VSIG4: variants seen among roughly 807,000 people sequenced by gnomAD.
VSIG4 encodes V-set and immunoglobulin domain containing 4.
In VSIG4, 34 loss-of-function variants were observed where a neutral mutation model predicts 23.4. That is an observed-to-expected ratio of 1.45 (90% CI 1.10 to 1.93). The LOEUF is 1.93. Among genes scored for constraint, VSIG4 ranks in the 30% most tolerant of loss-of-function variants. The pLI, the probability that VSIG4 is intolerant of heterozygous loss-of-function variation, is 0.00. For missense variants in VSIG4, 433 were observed against 310.8 expected (o/e 1.39, Z -2.96); for synonymous variants, 169 against 120.3 (o/e 1.41, Z -2.65).
At position 66,027,532 on chromosome X, in the gene VSIG4, A is replaced by G; in HGVS notation, c.758-6T>C. The G allele has an allele frequency of 8.6e-7, 1 of 1,163,739 alleles. No individual in the cohort carries two copies. Among genetic ancestry groups the G allele is most frequent in the South Asian group, 1.9e-5 (1 of 53,570 alleles). On this transcript the variant is annotated splice_polypyrimidine_tract_variant and splice_region_variant and intron_variant, in intron 4 of 7. Coordinates refer to ENST00000374737, the MANE Select transcript of VSIG4 (RefSeq NM_007268.3). ...CTGCTTCACTGTAGATGTTGCTATG[A>G]ATATAGAGAATAGGGTCAGAGATGT...
chrX:66,027,714 C>T (rs1401198604), intron 4 of VSIG4, among the ~76,000 whole-genome samples, 188 bp from the exon 5 acceptor site: 10 of 112,046 alleles, frequency 8.9e-5, no homozygotes, highest in African/African-American at 1.3e-4. Flanking sequence ...TAGGTGTGGG[C>T]AGTGAGAAGA....
intron 1 of VSIG4, among the ~76,000 whole-genome samples, chrX:66,039,098 C>G (rs1304878109): frequency 8.9e-6 from 1 of 111,864 alleles, no homozygotes; most frequent in Non-Finnish European, 1.9e-5. Flanking sequence ...GGATTTGTAT[C>G]CAGCCCATAA....
intron 7 of VSIG4, 136 bp downstream of exon 7, chrX:66,022,705 G>C: frequency 8.7e-7 from 1 of 1,155,995 alleles, no homozygotes; most frequent in South Asian, 2.1e-5. Context: ...AGGGAAGGCA[G>C]CTATGTCCTG....
intron 3 of VSIG4, among the ~76,000 whole-genome samples, chrX:66,029,656 G>A (rs1320870490): frequency 8.9e-6 from 1 of 111,738 alleles, no homozygotes; most frequent in Non-Finnish European, 1.9e-5. Context: ...GAAAGAAAGA[G>A]CCTAATAAGG....
At chrX:66,022,570 C>T (rs774017542) in intron 7 of VSIG4, 70 bp from the exon 8 acceptor site, 42 of 1,173,799 alleles carry the variant, frequency 3.6e-5, no homozygotes, top group Non-Finnish European at 4.8e-5. Flanking sequence ...CACCCTTCTG[C>T]CTCAATTCTT....
Position 66,022,494 on chromosome X carries a change from A to T in VSIG4, c.969T>A (p.His323Gln). 7.4e-6 allele frequency: 9 copies of T among 1,211,236 alleles called. No individual in the cohort carries two copies. The highest frequency in any genetic ancestry group is 1.7e-5 in the African/African-American group (1 of 57,999). The change falls in exon 8 of 8, where the codon CAT becomes CAA. Residue 323 changes from histidine to glutamine, a missense_variant. His to Gln is a conservative substitution (Grantham distance 24). Coordinates refer to ENST00000374737, the MANE Select transcript of VSIG4 (RefSeq NM_007268.3). ...CTCCAGAGTCGTTGGCCTCTCTGGCATGTGCCCTATGGCCCAAGAGCCCAC... is the reference window on the plus strand; with the variant it reads ...CTCCAGAGTCGTTGGCCTCTCTGGCTTGTGCCCTATGGCCCAAGAGCCCAC... ...QEHVYEAARA[H>Q]AREANDSGET...
intron 1 of VSIG4, 131 bp downstream of exon 1, chrX:66,039,813 G>A: frequency 1.4e-6 from 1 of 729,692 alleles, no homozygotes; most frequent in South Asian, 3.1e-5. Flanking sequence ...GGCTGAGAGA[G>A]CCTGCAGAGT....
chrX:66,026,000 A>G (rs773269564), intron 5 of VSIG4, among the ~76,000 whole-genome samples: 2 of 112,312 alleles, frequency 1.8e-5, no homozygotes, highest in South Asian at 7.3e-4. Context: ...TGCTGTTTTA[A>G]GATACTAGGT....
At chrX:66,028,430 G>C (rs776329353) in intron 3 of VSIG4, among the ~76,000 whole-genome samples, 12 of 110,732 alleles carry the variant, frequency 1.1e-4, no homozygotes, top group East Asian at 2.8e-4. Context: ...ATTCTCTTGA[G>C]AGAAACTTGG....
chrX:66,027,570 A>C (rs900984333), intron 4 of VSIG4, 44 bp from the exon 5 acceptor site: 3 of 1,060,245 alleles, frequency 2.8e-6, no homozygotes, highest in Admixed American at 2.5e-5. Flanking sequence ...CTCTTCTTTC[A>C]AAAAGTTGAG....
chrX:66,022,758 C>A (rs947655888), intron 7 of VSIG4, 83 bp downstream of exon 7: 234 of 1,204,973 alleles, frequency 1.9e-4, no homozygotes, highest in Non-Finnish European at 2.2e-4. Flanking sequence ...TGTGCCACAC[C>A]CCCCTTCCTC....
intron 4 of VSIG4, 25 bp from the exon 5 acceptor site, chrX:66,027,551 G>A: frequency 8.9e-7 from 1 of 1,125,270 alleles, no homozygotes; most frequent in Non-Finnish European, 1.2e-6. Context: ...AATAGGGTCA[G>A]AGATGTCTCT....
intron 1 of VSIG4, among the ~76,000 whole-genome samples, chrX:66,034,189 C>T (rs891268829): frequency 2.7e-5 from 3 of 112,321 alleles, no homozygotes; most frequent in Non-Finnish European, 5.6e-5. Context: ...TCTATCAAAT[C>T]TGTCATTCTG....
chrX:66,023,517 A>C (rs954538149), intron 6 of VSIG4, among the ~76,000 whole-genome samples: 1 of 112,512 alleles, frequency 8.9e-6, no homozygotes, highest in African/African-American at 3.2e-5. Context: ...AAACAAGGGA[A>C]GCCACAGGAC....
chrX:66,027,737 G>A (rs1460914030), intron 4 of VSIG4, among the ~76,000 whole-genome samples: 1 of 112,049 alleles, frequency 8.9e-6, no homozygotes, highest in Non-Finnish European at 1.9e-5. Context: ...TCCCATCGAG[G>A]GGAGGTAATG....
At chrX:66,034,916 C>G (rs920142989) in intron 1 of VSIG4, among the ~76,000 whole-genome samples, 1 of 110,541 alleles carries the variant, frequency 9.0e-6, no homozygotes, top group African/African-American at 3.3e-5. Flanking sequence ...GCAATATATT[C>G]ATGTCTCTCC....
At chrX:66,036,076 T>A (rs957767482) in intron 1 of VSIG4, among the ~76,000 whole-genome samples, 16 of 111,841 alleles carry the variant, frequency 1.4e-4, no homozygotes, top group African/African-American at 5.2e-4. Context: ...CCAGAATGAA[T>A]AGGACAGAGT....
At chrX:66,022,620 G>C in intron 7 of VSIG4, 120 bp from the exon 8 acceptor site, 1 of 1,136,727 alleles carries the variant, frequency 8.8e-7, no homozygotes, top group Non-Finnish European at 1.2e-6. Flanking sequence ...AGGGATTCTG[G>C]AAGCAGAAGG....
rs761192505 is a variant in VSIG4 at position 66,022,807 on chromosome X, G to A, written c.962+34C>T. 6.8e-5 allele frequency: 82 copies of A among 1,209,788 alleles called. 1 individual carries two copies. The highest frequency in any genetic ancestry group is 2.3e-4 in the Middle Eastern group (1 of 4,347). ...AGTAATCAAAATTGAGGGCAGGGAC[G>A]GGGTCAAAAATGGAAGAGGAGAGAC... On this transcript the variant is annotated intron_variant, in intron 7 of 7. Transcript: ENST00000374737.
Sources: allele counts gnomAD v4.1 joint callset (sites outside exome capture counted in the v4.1 genomes callset), GRCh38; gene constraint gnomAD v4.1.1; transcripts MANE v1.5; gene names NCBI Gene and HGNC (gene_info 2026-07-23, HGNC 2026-07-21).